MACROD2: variants seen among roughly 807,000 people sequenced by gnomAD.
MACROD2 encodes mono-ADP ribosylhydrolase 2, also known as ADP-ribose glycohydrolase MACROD2.
A neutral mutation model predicts 70.4 loss-of-function variants in MACROD2; 36 were observed. The ratio of observed to expected loss-of-function variants is 0.51; its 90% CI spans 0.39 to 0.68. The LOEUF (loss-of-function observed/expected upper bound fraction) is 0.68, where lower values mean the gene tolerates loss of function less well. Among genes scored for constraint, MACROD2 ranks in the 30% least tolerant of loss-of-function variants. The pLI, the probability that MACROD2 is intolerant of heterozygous loss-of-function variation, is 0.00. For missense variants in MACROD2, 496 were observed against 538.4 expected (o/e 0.92, Z 0.78); for synonymous variants, 172 against 178.8 (o/e 0.96, Z 0.30).
At chr20:14,880,384 A>T (rs2073597489) in intron 5 of MACROD2, among the ~76,000 whole-genome samples, 1 of 152,202 alleles carries the variant, frequency 6.6e-6, no homozygotes, top group African/African-American at 2.4e-5. Flanking sequence ...TGGAGGCATA[A>T]TTGCCATGAG....
intron 6 of MACROD2, among the ~76,000 whole-genome samples, chr20:15,339,223 A>G (rs2078081341): frequency 6.6e-6 from 1 of 151,898 alleles, no homozygotes; most frequent in Non-Finnish European, 1.5e-5. Flanking sequence ...TTCAGTTATG[A>G]AAGCATTTAG....
intron 5 of MACROD2, among the ~76,000 whole-genome samples, chr20:14,983,253 G>A (rs1469848235): frequency 6.6e-6 from 1 of 152,150 alleles, no homozygotes; most frequent in Non-Finnish European, 1.5e-5. Flanking sequence ...TGATTTTACA[G>A]GCTCATAGGC....
chr20:14,543,252 G>A (rs1446119821), intron 4 of MACROD2, among the ~76,000 whole-genome samples: 1 of 152,064 alleles, frequency 6.6e-6, no homozygotes, highest in African/African-American at 2.4e-5. Flanking sequence ...TGGACATGCT[G>A]GACAAAGTGA....
intron 4 of MACROD2, among the ~76,000 whole-genome samples, chr20:14,520,994 A>G (rs2085163538): frequency 6.6e-6 from 1 of 151,474 alleles, no homozygotes; most frequent in African/African-American, 2.4e-5. Flanking sequence ...CACCCCCCAA[A>G]TAGGTTTTCT....
At chr20:15,455,903 C>G (rs1014318238) in intron 7 of MACROD2, among the ~76,000 whole-genome samples, 1 of 152,076 alleles carries the variant, frequency 6.6e-6, no homozygotes, top group Non-Finnish European at 1.5e-5. Context: ...CTTCATAAAT[C>G]TGTAAAATAA....
At chr20:14,732,615 C>T (rs867634557) in intron 5 of MACROD2, among the ~76,000 whole-genome samples, 12 of 152,200 alleles carry the variant, frequency 7.9e-5, no homozygotes, top group Middle Eastern at 3.4e-3. Context: ...AAAGGAAAGT[C>T]GATGTTTTAG....
At chr20:14,951,826 A>G (rs952110805) in intron 5 of MACROD2, among the ~76,000 whole-genome samples, 2 of 151,894 alleles carry the variant, frequency 1.3e-5, no homozygotes, top group Non-Finnish European at 1.5e-5. Context: ...TCCATCACTC[A>G]GTGTCTCTTA....
chr20:14,159,988 T>G (rs1346928846), intron 3 of MACROD2, among the ~76,000 whole-genome samples: 1 of 152,216 alleles, frequency 6.6e-6, no homozygotes, highest in Non-Finnish European at 1.5e-5. Context: ...ATCATGTGGT[T>G]TTTGTCCTTT....
chr20:15,770,896 C>T lies in MACROD2; in HGVS notation c.646-91849C>T, dbSNP rs144521072. Reference sequence around the variant, plus strand: ...CCCAAGCACACTTAAACCTTCTTCTCGTGTCCAATCTGCTGACATTCCATT... The same window carrying T: ...CCCAAGCACACTTAAACCTTCTTCTTGTGTCCAATCTGCTGACATTCCATT... On this transcript the variant is annotated intron_variant, in intron 8 of 17. Transcript: ENST00000684519. Among the ~76,000 whole-genome samples, 13 of 152,246 alleles carry T rather than the reference C, an allele frequency of 8.5e-5. No homozygotes were observed. In the East Asian group the frequency reaches 1.7e-3, roughly 20 times the overall value.
chr20:15,499,621 G>A (rs2047340159), intron 7 of MACROD2, among the ~76,000 whole-genome samples, 153 bp from the exon 8 acceptor site: 2 of 152,122 alleles, frequency 1.3e-5, no homozygotes, highest in Admixed American at 1.3e-4. Flanking sequence ...TAGGATCACA[G>A]GCTTCATATC....
chr20:14,848,185 C>A (rs1386413969), intron 5 of MACROD2, among the ~76,000 whole-genome samples: 2 of 152,104 alleles, frequency 1.3e-5, no homozygotes, highest in African/African-American at 4.8e-5. Context: ...ACAATGCTTC[C>A]CTATAGCTTG....
At chr20:15,406,441 A>G (rs2046002407) in intron 6 of MACROD2, among the ~76,000 whole-genome samples, 1 of 152,184 alleles carries the variant, frequency 6.6e-6, no homozygotes, top group Non-Finnish European at 1.5e-5. Flanking sequence ...AATCTTTAAT[A>G]TGGATTAATC....
Position 14,011,530 on chromosome 20 carries a change from A to ATT in MACROD2, c.163+9138_163+9139dup, listed in dbSNP as rs34996651. Among the ~76,000 whole-genome samples the ATT allele has an allele frequency of 3.1e-3, 445 of 145,282 alleles. 1 individual carries two copies. Among genetic ancestry groups the ATT allele is most frequent in the Non-Finnish European group, 5.1e-3 (334 of 66,002 alleles). On this transcript the variant is annotated intron_variant, in intron 2 of 17. Transcript: ENST00000684519. ...TTCAAGTAGATATTCTTTCTCTTCG[A>ATT]TTTTTTTTTTTTTGTAAGACGGAGT... is the stretch of plus-strand genomic sequence containing the variant.
At chr20:15,715,555 A>G (rs1232756649) in intron 8 of MACROD2, among the ~76,000 whole-genome samples, 2 of 152,220 alleles carry the variant, frequency 1.3e-5, no homozygotes, top group African/African-American at 4.8e-5. Context: ...ATTTTTAGAC[A>G]TTTAGAAAGG....
rs199573606 is a variant in MACROD2, at chr20:14,222,813, GAAAAAAAAAAAAAAAAA to G, written c.271+137098_271+137114del. Among the ~76,000 whole-genome samples, 178 of 132,878 alleles carry G rather than the reference GAAAAAAAAAAAAAAAAA, an allele frequency of 1.3e-3. 2 individuals are homozygous for G. The highest frequency in any genetic ancestry group is 4.2e-3 in the African/African-American group (147 of 34,778). 87.2% of individuals were successfully genotyped at this position (132,878 alleles called of 152,430 possible). A position where few individuals can be genotyped will look rare whatever the true frequency, so the allele number is the denominator to read the frequency against. ...TTCACAGTTCAACCTTTGGATTTCTGAAAAAAAAAAAAAAAAAAAAAAAAAAAAAGAATTGAGAAGCA... is the reference window on the plus strand; with the variant it reads ...TTCACAGTTCAACCTTTGGATTTCTGAAAAAAAAAAAAGAATTGAGAAGCA... On this transcript the variant is annotated intron_variant, in intron 3 of 17. Coordinates refer to ENST00000684519, the MANE Select transcript of MACROD2 (RefSeq NM_001351661.2).
At chr20:15,897,788 A>G (rs1331121832) in intron 10 of MACROD2, among the ~76,000 whole-genome samples, 1 of 152,148 alleles carries the variant, frequency 6.6e-6, no homozygotes, top group Non-Finnish European at 1.5e-5. Context: ...TGCATCATAA[A>G]TTTAATATCT....
At chr20:14,572,992 G>A (rs544271170) in intron 4 of MACROD2, among the ~76,000 whole-genome samples, 1 of 151,832 alleles carries the variant, frequency 6.6e-6, no homozygotes, top group South Asian at 2.1e-4. Context: ...GAATTTGCCA[G>A]CCTCAGAGAA....
chr20:15,637,243 C>T (rs1215837560), intron 8 of MACROD2, among the ~76,000 whole-genome samples: 1 of 152,158 alleles, frequency 6.6e-6, no homozygotes, highest in Non-Finnish European at 1.5e-5. Flanking sequence ...ACTTCAGTTT[C>T]TCCGTCTGTA....
chr20:15,681,138 T>C (rs2050154604), intron 8 of MACROD2, among the ~76,000 whole-genome samples: 1 of 152,234 alleles, frequency 6.6e-6, no homozygotes, highest in Non-Finnish European at 1.5e-5. Context: ...AAGTGTACAC[T>C]TGGGTCTTGT....
Sources: allele counts gnomAD v4.1 joint callset (sites outside exome capture counted in the v4.1 genomes callset), GRCh38; gene constraint gnomAD v4.1.1; transcripts MANE v1.5; gene names NCBI Gene and HGNC (gene_info 2026-07-23, HGNC 2026-07-21).